SPIRE1: variants seen among roughly 807,000 people sequenced by gnomAD.
SPIRE1 encodes spire type actin nucleation factor 1, also known as protein spire homolog 1.
A neutral mutation model predicts 94.1 loss-of-function variants in SPIRE1; 40 were observed. The ratio of observed to expected loss-of-function variants is 0.43; its 90% CI spans 0.33 to 0.55. The LOEUF (loss-of-function observed/expected upper bound fraction) is 0.55, where lower values mean the gene tolerates loss of function less well. Among genes scored for constraint, SPIRE1 ranks in the 20% least tolerant of loss-of-function variants. The pLI is 0.06. For missense variants in SPIRE1, 838 were observed against 975.2 expected, an observed-to-expected ratio of 0.86 and a Z score of 1.87; for synonymous variants, 376 against 371.7, an observed-to-expected ratio of 1.01 and a Z score of -0.13.
At chr18:12,495,825 C>G (rs1439968768) in intron 7 of SPIRE1, among the ~76,000 whole-genome samples, 191 bp downstream of exon 7, 1 of 152,152 alleles carries the variant, frequency 6.6e-6, no homozygotes, top group Non-Finnish European at 1.5e-5. Flanking sequence ...CCAGGGGTCA[C>G]TCCAGCCTGG....
At chr18:12,549,439 G>GTTTT (rs869122444) in intron 2 of SPIRE1, among the ~76,000 whole-genome samples, 687 of 41,236 alleles carry the variant, frequency 0.017, 107 homozygotes, top group Non-Finnish European at 0.019. Flanking sequence ...TGTTATTGTT[G>GTTTT]TTTTTTTTTT....
Position 12,588,568 on chromosome 18 carries a change from C to G in SPIRE1, c.373-41664G>C, listed in dbSNP as rs1369401427. 1.3e-5 allele frequency: 2 copies of G among 149,288 alleles called. 1 individual carries two copies. Among genetic ancestry groups the G allele is most frequent in the East Asian group, 4.0e-4 (2 of 5,060 alleles). 9.2% of individuals were successfully genotyped at this position (149,288 alleles called of 1,614,324 possible). ...TTCTGTACTGGAAAATTACTGACTTCACTTTCCAGTTCACAAATGCTCTCC... is the reference window on the plus strand; with the variant it reads ...TTCTGTACTGGAAAATTACTGACTTGACTTTCCAGTTCACAAATGCTCTCC... On this transcript the variant is annotated intron_variant, in intron 2 of 16. Transcript: ENST00000409402.
intron 1 of SPIRE1, among the ~76,000 whole-genome samples, chr18:12,645,117 T>A (rs57400812): frequency 0.26 from 37,182 of 145,086 alleles, 5,133 homozygotes; most frequent in Non-Finnish European, 0.33. Flanking sequence ...AAAAAAAAAA[T>A]AAGACAGTAT....
chr18:12,615,672 T>C (rs1229762711), intron 2 of SPIRE1, among the ~76,000 whole-genome samples: 2 of 152,020 alleles, frequency 1.3e-5, no homozygotes, highest in Admixed American at 1.3e-4. Context: ...CTTAATGATC[T>C]GTATACTTTC....
At chr18:12,541,691 T>A (rs1218713392) in intron 3 of SPIRE1, among the ~76,000 whole-genome samples, 1 of 152,170 alleles carries the variant, frequency 6.6e-6, no homozygotes, top group Non-Finnish European at 1.5e-5. Flanking sequence ...TTCTATGTCC[T>A]ATTTATAGTG....
intron 2 of SPIRE1, among the ~76,000 whole-genome samples, chr18:12,634,113 T>C (rs1380184367): frequency 6.6e-6 from 1 of 151,854 alleles, no homozygotes; most frequent in East Asian, 1.9e-4. Flanking sequence ...CTGGGCGCGG[T>C]GGCGGGCGCC....
chr18:12,631,570 A>AC (rs2037780739), intron 2 of SPIRE1, among the ~76,000 whole-genome samples: 2 of 150,210 alleles, frequency 1.3e-5, no homozygotes, highest in Non-Finnish European at 3.0e-5. Flanking sequence ...AAAAAAAAAA[A>AC]AAAAACATAA....
At chr18:12,538,858 A>G (rs1376826575) in intron 3 of SPIRE1, among the ~76,000 whole-genome samples, 1 of 151,968 alleles carries the variant, frequency 6.6e-6, no homozygotes, top group East Asian at 1.9e-4. Context: ...CTCATATCCA[A>G]TCCATCAGTA....
At chr18:12,623,084 C>T (rs767163909) in intron 2 of SPIRE1, among the ~76,000 whole-genome samples, 2 of 151,538 alleles carry the variant, frequency 1.3e-5, no homozygotes, top group African/African-American at 2.4e-5. Context: ...GCCACTATCA[C>T]TAAGCAGTAG....
rs1167907444 is a variant in SPIRE1 at position 12,463,364 on chromosome 18, C to G, written c.1625G>C (p.Ser542Thr). The change falls in exon 12 of 17, where the codon AGT (serine) becomes ACT (threonine). Residue 542 changes from serine (S) to threonine (T), a missense_variant. Coordinates refer to ENST00000409402, the MANE Select transcript of SPIRE1 (RefSeq NM_001128626.2). Reference sequence around the variant, plus strand: ...TCCTGTACTTACAAGAGAGCGGGAACTCTGCCTGGAAGGCGGCAGGAACTG... The same window carrying G: ...TCCTGTACTTACAAGAGAGCGGGAAGTCTGCCTGGAAGGCGGCAGGAACTG... ...VRQFLPPSRQ[S>T]SRSLEEFCYP... 10 of 1,613,414 alleles carry G rather than the reference C, an allele frequency of 6.2e-6. No homozygotes were observed. The highest frequency in any genetic ancestry group is 8.5e-6 in the Non-Finnish European group (10 of 1,179,606).
intron 2 of SPIRE1, among the ~76,000 whole-genome samples, chr18:12,558,482 C>T (rs995763739): frequency 3.9e-5 from 6 of 152,192 alleles, no homozygotes; most frequent in East Asian, 1.9e-4. Flanking sequence ...ACTCGAGCAG[C>T]GTGCCACTGC....
At chr18:12,562,931 T>A (rs556017981) in intron 2 of SPIRE1, among the ~76,000 whole-genome samples, 2 of 152,324 alleles carry the variant, frequency 1.3e-5, no homozygotes, top group South Asian at 4.1e-4. Flanking sequence ...TATACACCCA[T>A]TAAATTACAT....
At chr18:12,476,798 G>A (rs2032621784) in intron 10 of SPIRE1, among the ~76,000 whole-genome samples, 1 of 151,818 alleles carries the variant, frequency 6.6e-6, no homozygotes, top group African/African-American at 2.4e-5. Flanking sequence ...TTAGATTGAA[G>A]AGGAAGAGAG....
At chr18:12,556,436 G>A (rs116853215) in intron 2 of SPIRE1, among the ~76,000 whole-genome samples, 3 of 152,308 alleles carry the variant, frequency 2.0e-5, no homozygotes, top group African/African-American at 2.4e-5. Context: ...CACTGTGTCC[G>A]GAATTGGTGG....
chr18:12,573,664 T>C (rs2036016522), intron 2 of SPIRE1, among the ~76,000 whole-genome samples: 1 of 152,166 alleles, frequency 6.6e-6, no homozygotes, highest in African/African-American at 2.4e-5. Flanking sequence ...TGGACATGTG[T>C]CATCATATAT....
intron 3 of SPIRE1, among the ~76,000 whole-genome samples, chr18:12,541,253 G>T (rs2035006184): frequency 6.6e-6 from 1 of 152,258 alleles, no homozygotes; most frequent in East Asian, 1.9e-4. Context: ...CTTGCTTTAA[G>T]GCCTGGAATA....
chr18:12,468,357 T>A (rs892944060), intron 10 of SPIRE1, among the ~76,000 whole-genome samples: 1 of 152,160 alleles, frequency 6.6e-6, no homozygotes, highest in East Asian at 1.9e-4. Context: ...GTACATGCGA[T>A]GTGGTCCTCT....
intron 1 of SPIRE1, chr18:12,656,762 C>G (rs1161684665): frequency 2.4e-6 from 2 of 834,266 alleles, no homozygotes; most frequent in African/African-American, 3.7e-5. Context: ...CTGTTTAGGT[C>G]ATAATCCTGA....
At chr18:12,540,745 A>G (rs2144241148) in intron 3 of SPIRE1, among the ~76,000 whole-genome samples, 1 of 152,356 alleles carries the variant, frequency 6.6e-6, no homozygotes, top group East Asian at 1.9e-4. Context: ...AAATTACAGT[A>G]GTTCCTCCTT....
Sources: gnomAD v4.1 joint callset for allele counts (sites outside exome capture counted in the v4.1 genomes callset) on GRCh38, gnomAD v4.1.1 for gene constraint, MANE v1.5 for transcripts, NCBI Gene and HGNC (gene_info 2026-07-23, HGNC 2026-07-21) for gene names.